GLIPR1L2: variants seen among roughly 807,000 people sequenced by gnomAD.
The protein encoded by GLIPR1L2 is GLIPR1 like 2.
A neutral mutation model predicts 28.4 loss-of-function variants in GLIPR1L2; 21 were observed. That is an observed-to-expected ratio of 0.74 (90% CI 0.52 to 1.06). The LOEUF is 1.06. Among genes scored for constraint, GLIPR1L2 ranks in the 50% least tolerant of loss-of-function variants. The pLI, the probability that GLIPR1L2 is intolerant of heterozygous loss-of-function variation, is 0.00. For synonymous variants in GLIPR1L2, 145 were observed against 139.3 expected, an observed-to-expected ratio of 1.04 and a Z score of -0.29; for missense variants, 476 against 416.9, an observed-to-expected ratio of 1.14 and a Z score of -1.23.
rs114490304 is a variant in GLIPR1L2, at chr12:75,410,513, A to T, written c.314A>T (p.Asp105Val). ...TTTACGCATAATATTTATTTACAAG[A>T]TGTACAAATGGTCCATCCTAAATTT... ...CLFTHNIYLQ[D>V]VQMVHPKFYG... Residue 105 changes from aspartate to valine, a missense_variant, in exon 2 of 6, where the codon GAT becomes GTT. Asp to Val is a radical substitution (Grantham distance 152). Transcript: ENST00000550916. 103 of 1,611,846 alleles carry T rather than the reference A, an allele frequency of 6.4e-5. No homozygotes were observed. In the African/African-American group the frequency reaches 1.3e-3, roughly 20 times the overall value.
At chr12:75,394,024 G>A (rs2045657679) in intron 1 of GLIPR1L2, among the ~76,000 whole-genome samples, 1 of 151,846 alleles carries the variant, frequency 6.6e-6, no homozygotes, top group Non-Finnish European at 1.5e-5. Context: ...CTGATATTGA[G>A]CATCTTTTTA....
intron 1 of GLIPR1L2, among the ~76,000 whole-genome samples, chr12:75,406,721 G>A (rs1207405497): frequency 7.0e-6 from 1 of 142,170 alleles, no homozygotes; most frequent in African/African-American, 2.6e-5. Context: ...TCACACTACT[G>A]CATTCTAGCC....
intron 3 of GLIPR1L2, among the ~76,000 whole-genome samples, chr12:75,420,793 A>G (rs1164613880): frequency 1.3e-5 from 2 of 152,238 alleles, no homozygotes; most frequent in Non-Finnish European, 2.9e-5. Flanking sequence ...GAAGATTAAC[A>G]TAGGGGAGGG....
chr12:75,431,339 T>G lies in GLIPR1L2; in HGVS notation c.*178T>G, dbSNP rs2139972802. The G allele has an allele frequency of 8.4e-6, 4 of 475,918 alleles. No individual in the cohort carries two copies. In the East Asian group the frequency reaches 1.3e-4, roughly 15 times the overall value. The allele number at this position is 475,918 out of a possible 1,614,324, so 29.5% of individuals were successfully genotyped here. A position where few individuals can be genotyped will look rare whatever the true frequency, so the allele number is the denominator to read the frequency against. On this transcript the variant is annotated 3_prime_UTR_variant, in exon 6 of 6. Transcript: ENST00000550916. ...CTATACTTATTCAATCAATTTAAAT[T>G]TGTAAAACAAAGAAACAAAAAACAT...
intron 3 of GLIPR1L2, among the ~76,000 whole-genome samples, chr12:75,416,096 G>A (rs1223466694): frequency 6.6e-6 from 1 of 152,050 alleles, no homozygotes; most frequent in Non-Finnish European, 1.5e-5. Context: ...TATGAAGGTG[G>A]AGCTAATAAT....
chr12:75,424,622 T>A (rs1211436149), intron 4 of GLIPR1L2, among the ~76,000 whole-genome samples: 4 of 151,998 alleles, frequency 2.6e-5, no homozygotes, highest in Admixed American at 6.6e-5. Context: ...ATTTTTTTTT[T>A]TATTTTTTGC....
intron 1 of GLIPR1L2, among the ~76,000 whole-genome samples, chr12:75,400,219 T>C (rs2045724752): frequency 2.0e-5 from 3 of 152,070 alleles, no homozygotes; most frequent in Admixed American, 1.3e-4. Context: ...CCTGGGTTCA[T>C]GCCATTCTCC....
intron 4 of GLIPR1L2, among the ~76,000 whole-genome samples, chr12:75,429,073 A>C (rs1168110083): frequency 1.3e-5 from 2 of 152,176 alleles, no homozygotes; most frequent in Non-Finnish European, 2.9e-5. Context: ...GGGGCACTGC[A>C]TAATAGAGCT....
At position 75,394,785 on chromosome 12, in the gene GLIPR1L2, CATT is replaced by C. The variant is rs1475430052; in HGVS notation, c.234+3439_234+3441del. ...CTGCAAAAAAAAAAAAAAAAAAAAA[CATT>C]ATTGGGATTTTGATATGGGTTTCCT... On this transcript the variant is annotated intron_variant, in intron 1 of 5. Coordinates refer to ENST00000550916, the MANE Select transcript of GLIPR1L2 (RefSeq NM_001270396.2). Among the ~76,000 whole-genome samples the C allele has an allele frequency of 6.4e-5, 5 of 78,056 alleles. No homozygotes were observed. The East Asian group carries it at 1.2e-3, about 18-fold the overall frequency. The allele number at this position is 78,056 out of a possible 152,430, so 51.2% of individuals were successfully genotyped here. A position where few individuals can be genotyped will look rare whatever the true frequency, so the allele number is the denominator to read the frequency against.
chr12:75,391,388 C>G (rs201714376), intron 1 of GLIPR1L2, 38 bp downstream of exon 1: 5 of 1,604,776 alleles, frequency 3.1e-6, no homozygotes, highest in Non-Finnish European at 4.3e-6. Context: ...CTTCCACTAC[C>G]GTTGCCACAA....
intron 4 of GLIPR1L2, among the ~76,000 whole-genome samples, chr12:75,429,746 A>G (rs7296471): frequency 0.52 from 79,497 of 151,554 alleles, 20,977 homozygotes; most frequent in East Asian, 0.58. Flanking sequence ...TCTCATGATA[A>G]TGAATGAATT....
intron 1 of GLIPR1L2, among the ~76,000 whole-genome samples, chr12:75,396,460 G>A (rs970675990): frequency 1.3e-5 from 2 of 152,166 alleles, no homozygotes; most frequent in African/African-American, 4.8e-5. Flanking sequence ...CAGTTTCCTT[G>A]TGCCTAAAAT....
Position 75,398,388 on chromosome 12 carries a change from C to G in GLIPR1L2, c.234+7038C>G, listed in dbSNP as rs199608921. Among the ~76,000 whole-genome samples, 3 of 148,680 alleles carry G rather than the reference C, an allele frequency of 2.0e-5. No individual in the cohort carries two copies. The East Asian group carries it at 5.9e-4, about 29-fold the overall frequency. ...TAAAGATTGAATTATATGAATTGCT[C>G]TTCAACCATTTTTGACCTAGAAAAC... On this transcript the variant is annotated intron_variant, in intron 1 of 5. Coordinates refer to ENST00000550916, the MANE Select transcript of GLIPR1L2 (RefSeq NM_001270396.2).
intron 2 of GLIPR1L2, among the ~76,000 whole-genome samples, chr12:75,413,275 A>G (rs183102181): frequency 0.04 from 6,075 of 151,714 alleles, 133 homozygotes; most frequent in East Asian, 0.052. Context: ...CAGCACACCA[A>G]CATGGCACAT....
At chr12:75,408,870 G>C (rs867790517) in intron 1 of GLIPR1L2, among the ~76,000 whole-genome samples, 3 of 151,884 alleles carry the variant, frequency 2.0e-5, no homozygotes, top group Admixed American at 6.6e-5. Flanking sequence ...TAGATACAGA[G>C]ATAGAGAGAT....
chr12:75,410,422 A>T lies in GLIPR1L2; in HGVS notation c.235-12A>T, dbSNP rs1417751876. On this transcript the variant is annotated splice_polypyrimidine_tract_variant and intron_variant, in intron 1 of 5. Transcript: ENST00000550916. ...CTTATTTTGTTCTCTTTGCTTTTTG[A>T]ATATTTTTCAGACTTGGGATGTAGC... The T allele has an allele frequency of 6.7e-7, 1 of 1,499,920 alleles. No individual in the cohort carries two copies. The highest frequency in any genetic ancestry group is 2.4e-5 in the Admixed American group (1 of 42,474). 92.9% of individuals were successfully genotyped at this position (1,499,920 alleles called of 1,614,324 possible). A position where few individuals can be genotyped will look rare whatever the true frequency, so the allele number is the denominator to read the frequency against.
At chr12:75,423,402 A>G (rs2045999444) in intron 4 of GLIPR1L2, 2 of 968,392 alleles carry the variant, frequency 2.1e-6, no homozygotes, top group African/African-American at 1.7e-5. Flanking sequence ...TGAAATCTCC[A>G]AATATTTCAA....
chr12:75,404,533 C>T (rs1228645267), intron 1 of GLIPR1L2, among the ~76,000 whole-genome samples: 1 of 151,860 alleles, frequency 6.6e-6, no homozygotes, highest in African/African-American at 2.4e-5. Flanking sequence ...CTTGGGTTTA[C>T]TAAGTCAAAT....
intron 4 of GLIPR1L2, among the ~76,000 whole-genome samples, chr12:75,429,023 G>A (rs1594035180): frequency 6.6e-6 from 1 of 152,352 alleles, no homozygotes; most frequent in East Asian, 1.9e-4. Context: ...CAATGCAGAG[G>A]GGAAATGTGG....
Sources: gnomAD v4.1 joint callset for allele counts (sites outside exome capture counted in the v4.1 genomes callset) on GRCh38, gnomAD v4.1.1 for gene constraint, MANE v1.5 for transcripts, NCBI Gene and HGNC (gene_info 2026-07-23, HGNC 2026-07-21) for gene names.